The following AGBL4 variants were observed in gnomAD, a reference collection of about 807,000 sequenced individuals.
AGBL4 encodes cytosolic carboxypeptidase 6.
Under a neutral mutation model 66.4 loss-of-function variants are expected in AGBL4, and 58 were observed. The ratio of observed to expected loss-of-function variants is 0.87; its 90% CI spans 0.71 to 1.09. The LOEUF is 1.09. AGBL4 is among the 50% of genes least tolerant of loss of function. The pLI is 0.00. For synonymous variants in AGBL4, 234 were observed against 222.9 expected, an observed-to-expected ratio of 1.05 and a Z score of -0.44; for missense variants, 579 against 631.0, an observed-to-expected ratio of 0.92 and a Z score of 0.88.
At chr1:49,680,574 A>C (rs1488294777) in intron 3 of AGBL4, among the ~76,000 whole-genome samples, 1 of 152,088 alleles carries the variant, frequency 6.6e-6, no homozygotes, top group Non-Finnish European at 1.5e-5. Context: ...ATGATCTCTT[A>C]TTATAAAGCC....
intron 3 of AGBL4, among the ~76,000 whole-genome samples, chr1:49,357,074 G>T (rs999393002): frequency 3.9e-5 from 6 of 152,180 alleles, no homozygotes; most frequent in African/African-American, 1.4e-4. Context: ...AAAATGCAGG[G>T]AATGACACTT....
In AGBL4 at chr1:49,289,804, C is replaced by A. The variant is rs367821250; in HGVS notation, c.283-43940G>T. Among the ~76,000 whole-genome samples the A allele has an allele frequency of 3.3e-4, 50 of 151,986 alleles. 1 individual carries two copies. The South Asian group carries it at 9.6e-3, about 29-fold the overall frequency. The stretch of plus-strand genomic sequence containing the variant: ...AATGATCTAAGCTCATCTCATGAAG[C>A]TAAACAAAACAACCCAAAGTAAGTA... On this transcript the variant is annotated intron_variant, in intron 3 of 13. Coordinates refer to ENST00000371839, the MANE Select transcript of AGBL4 (RefSeq NM_032785.4).
intron 6 of AGBL4, among the ~76,000 whole-genome samples, chr1:48,729,937 CCT>C (rs1423076726): frequency 6.6e-6 from 1 of 152,154 alleles, no homozygotes; most frequent in East Asian, 1.9e-4. Flanking sequence ...TCCAGTCCCA[CCT>C]CTGCTATATT....
At chr1:48,529,181 T>A (rs976779852), downstream of AGBL4, among the ~76,000 whole-genome samples, 1 of 151,972 alleles carries the variant, frequency 6.6e-6, no homozygotes. Context: ...GATCCCTCAG[T>A]GTGACTGCCT....
At chr1:48,957,360 C>G (rs1035015310) in intron 5 of AGBL4, among the ~76,000 whole-genome samples, 1 of 152,150 alleles carries the variant, frequency 6.6e-6, no homozygotes. Context: ...TGTGTATGAT[C>G]TGACCAAATG....
At chr1:49,504,322 GTCTCAGAGGTATT>G (rs1648481243) in intron 3 of AGBL4, among the ~76,000 whole-genome samples, 1 of 152,080 alleles carries the variant, frequency 6.6e-6, no homozygotes, top group Non-Finnish European at 1.5e-5. Context: ...AAATTACCCA[GTCTCAGAGGTATT>G]TCTCCACAGC....
intron 6 of AGBL4, among the ~76,000 whole-genome samples, chr1:48,714,152 C>G (rs1647010632): frequency 6.6e-6 from 1 of 152,176 alleles, no homozygotes. Context: ...AGGCCATCAC[C>G]TGTCTTACTT....
chr1:48,827,008 C>A (rs4926763), intron 6 of AGBL4, among the ~76,000 whole-genome samples: 137,805 of 152,194 alleles, frequency 0.91, 62,728 homozygotes, highest in Non-Finnish European at 0.96. Flanking sequence ...CTATCAAGAT[C>A]AAGATAAGTC....
At chr1:50,002,958 A>G (rs1442755378) in intron 1 of AGBL4, among the ~76,000 whole-genome samples, 2 of 152,210 alleles carry the variant, frequency 1.3e-5, no homozygotes, top group African/African-American at 4.8e-5. Context: ...AGTTAATAGA[A>G]GTTAATCAAA....
intron 12 of AGBL4, 48 bp from the exon 13 acceptor site, chr1:48,534,964 T>G: frequency 6.6e-7 from 1 of 1,518,002 alleles, no homozygotes; most frequent in Non-Finnish European, 9.0e-7. Flanking sequence ...TAGGCTCTAG[T>G]AAATGGAAGT....
intron 2 of AGBL4, among the ~76,000 whole-genome samples, chr1:49,819,884 T>C (rs992837191): frequency 6.6e-6 from 1 of 152,158 alleles, no homozygotes; most frequent in Non-Finnish European, 1.5e-5. Flanking sequence ...AAACGTCCTA[T>C]ACTTTGGGAA....
intron 5 of AGBL4, among the ~76,000 whole-genome samples, chr1:48,876,968 A>G (rs1170087141): frequency 6.6e-6 from 1 of 152,224 alleles, no homozygotes. Flanking sequence ...TGCAGCATGC[A>G]TGATGCTATC....
At chr1:49,088,844 A>G (rs1420191689) in intron 4 of AGBL4, among the ~76,000 whole-genome samples, 2 of 152,118 alleles carry the variant, frequency 1.3e-5, no homozygotes, top group African/African-American at 4.8e-5. Flanking sequence ...TTGACCTCAC[A>G]ATTTGGCATA....
At chr1:49,871,704 T>G (rs970347602) in intron 1 of AGBL4, among the ~76,000 whole-genome samples, 1 of 152,146 alleles carries the variant, frequency 6.6e-6, no homozygotes, top group African/African-American at 2.4e-5. Context: ...GTTATTAGTA[T>G]GTGTTTCAAA....
chr1:49,145,134 G>C (rs920147380), intron 4 of AGBL4, among the ~76,000 whole-genome samples: 1 of 152,094 alleles, frequency 6.6e-6, no homozygotes, highest in African/African-American at 2.4e-5. Context: ...GAAAATCATA[G>C]ATTGAAAAAG....
chr1:49,862,397 T>C (rs1646596472), intron 1 of AGBL4, among the ~76,000 whole-genome samples: 1 of 145,358 alleles, frequency 6.9e-6, no homozygotes, highest in Admixed American at 6.8e-5. Flanking sequence ...ATCTAGAAAA[T>C]AGCCTCAAAA....
chr1:49,405,310 GC>G (rs1393565340), intron 3 of AGBL4, among the ~76,000 whole-genome samples: 2 of 152,068 alleles, frequency 1.3e-5, no homozygotes, highest in Non-Finnish European at 2.9e-5. Context: ...TCTGTCTAAG[GC>G]CAATTACAGA....
At chr1:48,838,600 G>A (rs545738868) in intron 6 of AGBL4, among the ~76,000 whole-genome samples, 1 of 152,156 alleles carries the variant, frequency 6.6e-6, no homozygotes, top group African/African-American at 2.4e-5. Context: ...GAAAACGTTG[G>A]GAAAATGCTT....
intron 4 of AGBL4, among the ~76,000 whole-genome samples, chr1:49,236,146 C>T (rs1323369183): frequency 2.6e-5 from 4 of 152,122 alleles, no homozygotes; most frequent in Non-Finnish European, 5.9e-5. Flanking sequence ...TCTTCTGCCT[C>T]AGCTTCCTGA....
Sources: allele counts gnomAD v4.1 joint callset (sites outside exome capture counted in the v4.1 genomes callset), GRCh38; gene constraint gnomAD v4.1.1; transcripts MANE v1.5; gene names NCBI Gene and HGNC (gene_info 2026-07-23, HGNC 2026-07-21).